NUMA1: variants seen among roughly 807,000 people sequenced by gnomAD.
NUMA1 encodes SP-H antigen.
NUMA1 carries 62 observed loss-of-function variants against 237.1 expected under a neutral mutation model. The observed-to-expected ratio is 0.26, with a 90% CI of 0.21 to 0.32. NUMA1 has a LOEUF of 0.32. NUMA1 is among the 10% of genes least tolerant of loss of function. NUMA1 has a pLI of 1.00. For synonymous variants in NUMA1, 1,028 were observed against 1,066.1 expected (o/e 0.96, Z 0.70); for missense variants, 2,533 against 2,666.5 (o/e 0.95, Z 1.10).
In NUMA1 at chr11:72,037,493, G is replaced by A. The variant is rs567974287; in HGVS notation, c.-32-1518C>T. Reference sequence around the variant, plus strand: ...TGCACTCCAGTTTGGGTGACAGAGCGAGACTCCGTCTCAAAAAAAAATAAT... The same window carrying A: ...TGCACTCCAGTTTGGGTGACAGAGCAAGACTCCGTCTCAAAAAAAAATAAT... On this transcript the variant is annotated intron_variant, in intron 2 of 26. Transcript: ENST00000393695. Among the ~76,000 whole-genome samples the A allele has an allele frequency of 2.8e-4, 43 of 152,140 alleles. No homozygotes were observed. In the South Asian group the frequency reaches 3.5e-3, roughly 12 times the overall value.
intron 3 of NUMA1, among the ~76,000 whole-genome samples, chr11:72,029,876 CTT>C (rs1186680537): frequency 6.6e-6 from 1 of 151,728 alleles, no homozygotes; most frequent in Non-Finnish European, 1.5e-5. Context: ...CTTTGTGGCT[CTT>C]GAGTTTTGAA....
At chr11:72,012,047 C>G (rs1315568520) in intron 16 of NUMA1, among the ~76,000 whole-genome samples, 1 of 152,172 alleles carries the variant, frequency 6.6e-6, no homozygotes, top group Admixed American at 6.5e-5. Context: ...TCCTCTTAGT[C>G]GGGTATCCTT....
chr11:72,048,031 AT>A (rs1482421031), intron 2 of NUMA1: 11 of 152,260 alleles, frequency 7.2e-5, no homozygotes, highest in African/African-American at 2.4e-4. Flanking sequence ...AGGCTCAGGA[AT>A]TAGGTGACCT....
chr11:72,020,002 C>G lies in NUMA1; in HGVS notation c.461-385G>C, dbSNP rs367685911. On this transcript the variant is annotated intron_variant, in intron 8 of 26. Coordinates refer to ENST00000393695, the MANE Select transcript of NUMA1 (RefSeq NM_006185.4). The stretch of plus-strand genomic sequence containing the variant: ...CCCCAACAACCTTTCCTATCAGAGC[C>G]ATTGGCCACCATTTGGAATTCATCC... Among the ~76,000 whole-genome samples, 5 of 152,344 alleles carry G rather than the reference C, an allele frequency of 3.3e-5. No individual in the cohort carries two copies. The East Asian group carries it at 9.6e-4, about 29-fold the overall frequency.
intron 10 of NUMA1, 40 bp from the exon 11 acceptor site, chr11:72,018,553 T>C (rs1938244325): frequency 1.3e-6 from 2 of 1,543,464 alleles, no homozygotes; most frequent in Non-Finnish European, 1.8e-6. Context: ...GAATCAGAAC[T>C]ATGTGCATGA....
chr11:72,006,170 A>T lies in NUMA1; in HGVS notation c.5557T>A (p.Ser1853Thr). The change falls in exon 22 of 27, where the codon TCT becomes ACT. Residue 1853 changes from serine (S) to threonine (T), a missense_variant. Transcript: ENST00000393695. ...ASQASLRATS[S>T]TQSLARLGSP... ...CCCAGGCGAGCTAGAGACTGAGTAG[A>T]GGAGGTGGCTCGCAGGCTAGCCTGG... The T allele has an allele frequency of 6.2e-7, 1 of 1,614,108 alleles. No individual in the cohort carries two copies. The highest frequency in any genetic ancestry group is 8.5e-7 in the Non-Finnish European group (1 of 1,180,016).
intron 13 of NUMA1, 131 bp from the exon 14 acceptor site, chr11:72,016,661 GA>G: frequency 1.8e-6 from 2 of 1,142,258 alleles, no homozygotes; most frequent in South Asian, 1.5e-5. Flanking sequence ...CCCTGGCCTA[GA>G]AAAAAGCAGA....
At chr11:72,041,729 G>A (rs1941681773) in intron 2 of NUMA1, 2 of 152,462 alleles carry the variant, frequency 1.3e-5, no homozygotes, top group Admixed American at 1.3e-4. Context: ...CACACACAAA[G>A]CGCCCTGCCA....
Position 72,007,059 on chromosome 11 carries a change from C to T in NUMA1, c.5463+130G>A. 3.5e-6 allele frequency: 4 copies of T among 1,149,430 alleles called. No individual in the cohort carries two copies. In the South Asian group the frequency reaches 6.0e-5, roughly 17 times the overall value. 71.2% of individuals were successfully genotyped at this position (1,149,430 alleles called of 1,614,324 possible). Reference sequence around the variant, plus strand: ...CAAGTCACTGCCCTTTTTAAGACCTCTCAGCTTTCCCACTGTAACATGGAC... The same window carrying T: ...CAAGTCACTGCCCTTTTTAAGACCTTTCAGCTTTCCCACTGTAACATGGAC... On this transcript the variant is annotated intron_variant, in intron 21 of 26. Coordinates refer to ENST00000393695, the MANE Select transcript of NUMA1 (RefSeq NM_006185.4).
chr11:72,079,977 C>A (rs768866359), intron 1 of NUMA1, among the ~76,000 whole-genome samples: 134 of 152,212 alleles, frequency 8.8e-4, no homozygotes, highest in Non-Finnish European at 1.7e-3. Flanking sequence ...TAACCCGGGC[C>A]AAGCTAAACA....
At chr11:72,018,593 C>T (rs946333452) in intron 10 of NUMA1, 80 bp from the exon 11 acceptor site, 8 of 1,310,242 alleles carry the variant, frequency 6.1e-6, no homozygotes, top group African/African-American at 1.5e-5. Context: ...ACTATGTGCA[C>T]AAGGGGAAGG....
chr11:72,003,631 T>C lies in NUMA1; in HGVS notation c.6337-93A>G, dbSNP rs574878176. 13 of 1,515,374 alleles carry C rather than the reference T, an allele frequency of 8.6e-6. No individual in the cohort carries two copies. In the African/African-American group the frequency reaches 9.6e-5, roughly 11 times the overall value. 93.9% of individuals were successfully genotyped at this position (1,515,374 alleles called of 1,614,324 possible). ...AGATCTCTTCCTGCTCCCACGCCCC[T>C]GTCTGGATCCCCTCCCTTGTGAGCC... is the stretch of plus-strand genomic sequence containing the variant. On this transcript the variant is annotated intron_variant, in intron 26 of 26. Transcript: ENST00000393695.
chr11:72,031,676 C>T (rs181632560), intron 3 of NUMA1, among the ~76,000 whole-genome samples: 112 of 151,972 alleles, frequency 7.4e-4, no homozygotes, highest in African/African-American at 2.6e-3. Context: ...AGGTGGCTTG[C>T]GCCTGTATGC....
In NUMA1 at chr11:72,033,024, G is replaced by A. The variant is rs548653482; in HGVS notation, c.42+2878C>T. ...CTGTAGTTGGAATTATCATGTGTGT[G>A]TATGTGTATGTTCTATGCCACTCTT... On this transcript the variant is annotated intron_variant, in intron 3 of 26. Transcript: ENST00000393695. Among the ~76,000 whole-genome samples, 5 of 152,182 alleles carry A rather than the reference G, an allele frequency of 3.3e-5. No individual in the cohort carries two copies. The East Asian group carries it at 9.6e-4, about 29-fold the overall frequency.
intron 3 of NUMA1, among the ~76,000 whole-genome samples, chr11:72,031,006 T>G (rs1940230914): frequency 6.6e-6 from 1 of 152,194 alleles, no homozygotes; most frequent in African/African-American, 2.4e-5. Flanking sequence ...AAATATAAAG[T>G]AGGCCAGGTG....
chr11:72,054,325 G>A (rs1458635550), intron 2 of NUMA1, among the ~76,000 whole-genome samples: 2 of 151,926 alleles, frequency 1.3e-5, no homozygotes, highest in African/African-American at 2.4e-5. Flanking sequence ...AAAATTAGCC[G>A]GGCACGGTGG....
chr11:72,050,188 G>A (rs1478144871), intron 2 of NUMA1, among the ~76,000 whole-genome samples: 4 of 152,158 alleles, frequency 2.6e-5, no homozygotes, highest in Non-Finnish European at 5.9e-5. Flanking sequence ...GCCACAAAAT[G>A]CAATTTATAA....
intron 23 of NUMA1, 93 bp downstream of exon 23, chr11:72,005,132 CAGTCAGTG>C: frequency 7.5e-7 from 1 of 1,328,426 alleles, no homozygotes; most frequent in East Asian, 2.5e-5. Context: ...CCTCCTCGGC[CAGTCAGTG>C]ATCCAGGGCC....
At position 72,042,477 on chromosome 11, in the gene NUMA1, G is replaced by A. The variant is rs533590847; in HGVS notation, c.-32-6502C>T. ...CCAGTTTAGAATAGGGAAGGATTACGAAAATGAAGTGCCATTTTAATTTGG... is the reference window on the plus strand; with the variant it reads ...CCAGTTTAGAATAGGGAAGGATTACAAAAATGAAGTGCCATTTTAATTTGG... On this transcript the variant is annotated intron_variant, in intron 2 of 26. Transcript: ENST00000393695. Among the ~76,000 whole-genome samples the A allele has an allele frequency of 8.5e-5, 13 of 152,294 alleles. No individual in the cohort carries two copies. The East Asian group carries it at 1.4e-3, about 16-fold the overall frequency.
Sources: allele counts gnomAD v4.1 joint callset (sites outside exome capture counted in the v4.1 genomes callset), GRCh38; gene constraint gnomAD v4.1.1; transcripts MANE v1.5; gene names NCBI Gene and HGNC (gene_info 2026-07-23, HGNC 2026-07-21).